The following C8orf34 variants were observed in gnomAD, a reference collection of about 807,000 sequenced individuals.
C8orf34 encodes chromosome 8 open reading frame 34, also known as uncharacterized protein C8orf34.
In C8orf34, 65 loss-of-function variants were observed where a neutral mutation model predicts 68.3. The ratio of observed to expected loss-of-function variants is 0.95; its 90% confidence interval spans 0.78 to 1.17. The LOEUF (loss-of-function observed/expected upper bound fraction) is 1.17, where lower values mean the gene tolerates loss of function less well. Ranked by LOEUF, C8orf34 falls within the 50% of genes most tolerant of loss-of-function variation. The pLI is 0.00. For synonymous variants in C8orf34, 244 were observed against 241.2 expected (o/e 1.01, Z -0.11); for missense variants, 664 against 655.4 (o/e 1.01, Z -0.14).
chr8:68,534,963 T>A, intron 7 of C8orf34: 3 of 985,382 alleles, frequency 3.0e-6, no homozygotes, highest in Non-Finnish European at 3.6e-6. Flanking sequence ...AGTTTAATAA[T>A]AAGAGATAGT....
chr8:68,462,570 A>G (rs1467116347), intron 3 of C8orf34, among the ~76,000 whole-genome samples: 1 of 151,808 alleles, frequency 6.6e-6, no homozygotes, highest in Non-Finnish European at 1.5e-5. Flanking sequence ...ATGTAAAAGA[A>G]CAGAAATTAT....
chr8:68,670,584 A>T (rs571595053), intron 8 of C8orf34, among the ~76,000 whole-genome samples: 69 of 152,248 alleles, frequency 4.5e-4, no homozygotes, highest in Non-Finnish European at 8.7e-4. Flanking sequence ...CTCAGAGGAA[A>T]CTTGTCCCAG....
At chr8:68,703,880 C>G (rs1046445295) in intron 8 of C8orf34, among the ~76,000 whole-genome samples, 23 of 152,224 alleles carry the variant, frequency 1.5e-4, no homozygotes, top group African/African-American at 5.3e-4. Context: ...TGGGGAGGAC[C>G]AAGCTAAGAG....
intron 10 of C8orf34, among the ~76,000 whole-genome samples, chr8:68,774,325 G>GTATATATATATATATA (rs1491199296): frequency 1.5e-4 from 6 of 39,248 alleles, no homozygotes; most frequent in African/African-American, 1.4e-3. Flanking sequence ...AAATATGGGT[G>GTATATATATATATATA]TGTGTGTATA....
chr8:68,759,642 A>T (rs1822970202), intron 10 of C8orf34, among the ~76,000 whole-genome samples: 1 of 152,254 alleles, frequency 6.6e-6, no homozygotes, highest in Non-Finnish European at 1.5e-5. Context: ...GTTTGTTTGA[A>T]TATTAGTCAA....
At chr8:68,768,783 G>A (rs1205897655) in intron 10 of C8orf34, among the ~76,000 whole-genome samples, 1 of 151,924 alleles carries the variant, frequency 6.6e-6, no homozygotes, top group Non-Finnish European at 1.5e-5. Flanking sequence ...CTCTTCAGCT[G>A]CCACGTGGTC....
At chr8:68,747,104 C>T (rs1822525722) in intron 10 of C8orf34, among the ~76,000 whole-genome samples, 1 of 152,040 alleles carries the variant, frequency 6.6e-6, no homozygotes. Flanking sequence ...AAATGTAATC[C>T]AGCATGTAAA....
At chr8:68,541,219 T>G (rs1262322336) in intron 7 of C8orf34, among the ~76,000 whole-genome samples, 1 of 152,012 alleles carries the variant, frequency 6.6e-6, no homozygotes, top group African/African-American at 2.4e-5. Context: ...TCCTAACACT[T>G]TAGGAGGCAT....
In C8orf34 at chr8:68,744,543, G is replaced by A. The variant is rs533789422; in HGVS notation, c.1404+23106G>A. Among the ~76,000 whole-genome samples the A allele has an allele frequency of 2.0e-4, 31 of 151,950 alleles. No homozygotes were observed. The East Asian group carries it at 5.8e-3, about 28-fold the overall frequency. On this transcript the variant is annotated intron_variant, in intron 10 of 13. Coordinates refer to ENST00000518698, the MANE Select transcript of C8orf34 (RefSeq NM_052958.4). ...CCAATACAGAGAAGTGCTTAAAGGA[G>A]CTGATGGAGCTGAAAACCAAGGCTC...
chr8:68,389,625 G>A (rs572279598), intron 1 of C8orf34, among the ~76,000 whole-genome samples: 1 of 152,168 alleles, frequency 6.6e-6, no homozygotes, highest in Non-Finnish European at 1.5e-5. Flanking sequence ...AAAGGGCATG[G>A]GTGACTATCT....
At chr8:68,731,065 C>T (rs2129526855) in intron 10 of C8orf34, among the ~76,000 whole-genome samples, 1 of 152,260 alleles carries the variant, frequency 6.6e-6, no homozygotes, top group Admixed American at 6.5e-5. Flanking sequence ...ATAGCTCTGA[C>T]TATGACTTGT....
At chr8:68,733,905 G>A (rs1048311752) in intron 10 of C8orf34, among the ~76,000 whole-genome samples, 7 of 152,078 alleles carry the variant, frequency 4.6e-5, no homozygotes, top group African/African-American at 7.2e-5. Context: ...ATCTCTCCAC[G>A]ATGTCACAAC....
chr8:68,679,594 C>T (rs1488155677), intron 8 of C8orf34, among the ~76,000 whole-genome samples: 1 of 152,034 alleles, frequency 6.6e-6, no homozygotes, highest in African/African-American at 2.4e-5. Flanking sequence ...TATGGAACCA[C>T]AAAAGACCCA....
intron 10 of C8orf34, among the ~76,000 whole-genome samples, chr8:68,751,497 G>A (rs1822707606): frequency 6.6e-6 from 1 of 152,176 alleles, no homozygotes; most frequent in African/African-American, 2.4e-5. Context: ...AATACTTGGT[G>A]AGTCTTAATA....
intron 1 of C8orf34, among the ~76,000 whole-genome samples, chr8:68,403,217 C>T (rs1417099177): frequency 2.6e-5 from 4 of 152,112 alleles, no homozygotes; most frequent in Non-Finnish European, 5.9e-5. Context: ...GGCAGGGGTG[C>T]CTGAGGACTG....
At chr8:68,793,290 A>G (rs1824068324) in intron 12 of C8orf34, among the ~76,000 whole-genome samples, 1 of 152,222 alleles carries the variant, frequency 6.6e-6, no homozygotes, top group South Asian at 2.1e-4. Context: ...AAAGGCTGAG[A>G]GTAAATCTTG....
chr8:68,385,056 C>G (rs1378332511), intron 1 of C8orf34, among the ~76,000 whole-genome samples: 1 of 152,146 alleles, frequency 6.6e-6, no homozygotes, highest in African/African-American at 2.4e-5. Context: ...GTGGTTATAT[C>G]CTTGTGAATG....
chr8:68,445,511 C>T (rs1423681710), intron 2 of C8orf34, among the ~76,000 whole-genome samples: 2 of 151,946 alleles, frequency 1.3e-5, no homozygotes, highest in African/African-American at 4.8e-5. Context: ...CTTGAAACAC[C>T]CTTTAATTGT....
intron 7 of C8orf34, among the ~76,000 whole-genome samples, chr8:68,570,277 A>T (rs756346217): frequency 2.0e-5 from 3 of 152,190 alleles, no homozygotes; most frequent in South Asian, 2.1e-4. Flanking sequence ...TATATTTGCA[A>T]TTACTCTTTC....
Sources: allele counts gnomAD v4.1 joint callset (sites outside exome capture counted in the v4.1 genomes callset), GRCh38; gene constraint gnomAD v4.1.1; transcripts MANE v1.5; gene names NCBI Gene and HGNC (gene_info 2026-07-23, HGNC 2026-07-21).